ZNF407: variants seen among roughly 807,000 people sequenced by gnomAD.
ZNF407 encodes the protein zinc finger protein 407.
Under a neutral mutation model 131.2 loss-of-function variants are expected in ZNF407, and 17 were observed. The ratio of observed to expected loss-of-function variants is 0.13; its 90% confidence interval spans 0.09 to 0.19. The LOEUF (loss-of-function observed/expected upper bound fraction) is 0.19, where lower values mean the gene tolerates loss of function less well. Ranked by LOEUF, ZNF407 falls within the 10% of genes least tolerant of loss-of-function variation. The pLI is 1.00. For synonymous variants in ZNF407, 1,156 were observed against 1,062.0 expected (o/e 1.09, Z -1.72); for missense variants, 2,681 against 2,830.6 (o/e 0.95, Z 1.20).
At chr18:74,929,356 C>T (rs1971954868) in intron 8 of ZNF407, among the ~76,000 whole-genome samples, 1 of 151,674 alleles carries the variant, frequency 6.6e-6, no homozygotes, top group South Asian at 2.1e-4. Flanking sequence ...CATTTGCAGC[C>T]TTCGTGAACT....
At chr18:75,004,527 G>A (rs1456272139) in intron 8 of ZNF407, among the ~76,000 whole-genome samples, 1 of 152,070 alleles carries the variant, frequency 6.6e-6, no homozygotes, top group Non-Finnish European at 1.5e-5. Context: ...AGCGGCATTG[G>A]GTGCGCAGAG....
At chr18:74,977,065 ATTGTGATTTTGTTTAAATCT>A (rs1163227509) in intron 8 of ZNF407, among the ~76,000 whole-genome samples, 1 of 152,234 alleles carries the variant, frequency 6.6e-6, no homozygotes, top group African/African-American at 2.4e-5. Flanking sequence ...CATTTAGTCA[ATTGTGATTTTGTTTAAATCT>A]CCATGTTTAT....
intron 8 of ZNF407, among the ~76,000 whole-genome samples, chr18:74,994,693 G>A (rs555665251): frequency 6.6e-6 from 1 of 152,154 alleles, no homozygotes; most frequent in African/African-American, 2.4e-5. Flanking sequence ...CTTTGGACAC[G>A]TGTCCTATGA....
intron 4 of ZNF407, among the ~76,000 whole-genome samples, chr18:74,784,416 T>C (rs746927298): frequency 6.6e-6 from 1 of 152,230 alleles, no homozygotes; most frequent in Non-Finnish European, 1.5e-5. Flanking sequence ...AATAAATCCA[T>C]ATACTTGTAC....
chr18:74,659,764 G>A (rs938687004), intron 3 of ZNF407, among the ~76,000 whole-genome samples: 2 of 152,168 alleles, frequency 1.3e-5, no homozygotes, highest in Admixed American at 6.5e-5. Context: ...TGAATTTGTC[G>A]TGAAAGTGTG....
At chr18:74,661,242 C>T (rs1029865170) in intron 3 of ZNF407, among the ~76,000 whole-genome samples, 1 of 151,974 alleles carries the variant, frequency 6.6e-6, no homozygotes, top group South Asian at 2.1e-4. Context: ...TAGTCAGTCT[C>T]TTTGCACAGA....
intron 1 of ZNF407, among the ~76,000 whole-genome samples, chr18:74,602,740 T>C (rs1044842497): frequency 6.6e-6 from 1 of 152,216 alleles, no homozygotes; most frequent in African/African-American, 2.4e-5. Context: ...TTTTAGTCAC[T>C]AAGTTACATT....
intron 3 of ZNF407, among the ~76,000 whole-genome samples, chr18:74,768,465 G>A (rs919057193): frequency 2.6e-4 from 40 of 152,146 alleles, no homozygotes; most frequent in Non-Finnish European, 4.3e-4. Context: ...TTATTGATTG[G>A]TGTTTTATTC....
At position 74,673,904 on chromosome 18, in the gene ZNF407, A is replaced by G. The variant is rs115926764; in HGVS notation, c.4802+32782A>G. On this transcript the variant is annotated intron_variant, in intron 3 of 8. Transcript: ENST00000299687. Reference sequence around the variant, plus strand: ...CACATGGTTCTAAATATTTACATATATCATCAAAGCCCTCTGACCTACCAT... The same window carrying G: ...CACATGGTTCTAAATATTTACATATGTCATCAAAGCCCTCTGACCTACCAT... Among the ~76,000 whole-genome samples, 885 of 152,334 alleles carry G rather than the reference A, an allele frequency of 5.8e-3. 12 individuals carry two copies. The highest frequency in any genetic ancestry group is 0.02 in the African/African-American group (838 of 41,578).
intron 8 of ZNF407, among the ~76,000 whole-genome samples, chr18:75,059,431 A>G (rs1973598796): frequency 6.6e-6 from 1 of 151,970 alleles, no homozygotes; most frequent in Non-Finnish European, 1.5e-5. Flanking sequence ...TTAATGGGGG[A>G]GGGGAATGAC....
chr18:75,017,131 G>T (rs796771398), intron 8 of ZNF407, among the ~76,000 whole-genome samples: 8 of 152,130 alleles, frequency 5.3e-5, no homozygotes, highest in African/African-American at 1.9e-4. Flanking sequence ...GGATAGTTTT[G>T]TCTGAGATCT....
chr18:74,767,455 A>T (rs1430953920), intron 3 of ZNF407, among the ~76,000 whole-genome samples: 3 of 152,078 alleles, frequency 2.0e-5, no homozygotes, highest in Non-Finnish European at 2.9e-5. Flanking sequence ...ATTCTGTTTT[A>T]TAAACTTTTA....
At chr18:74,899,831 G>A (rs535779019) in intron 7 of ZNF407, among the ~76,000 whole-genome samples, 2 of 152,142 alleles carry the variant, frequency 1.3e-5, no homozygotes, top group African/African-American at 2.4e-5. Context: ...GGGAAGACCC[G>A]TTTTAGTACA....
chr18:74,940,740 C>G (rs1352897204), intron 8 of ZNF407, among the ~76,000 whole-genome samples: 1 of 152,194 alleles, frequency 6.6e-6, no homozygotes, highest in Non-Finnish European at 1.5e-5. Context: ...AAGGAAGCCT[C>G]TCTGCTCCTG....
chr18:74,905,058 T>C (rs7240002), intron 7 of ZNF407, among the ~76,000 whole-genome samples: 19,220 of 152,256 alleles, frequency 0.13, 1,334 homozygotes, highest in Middle Eastern at 0.23. Flanking sequence ...GCACAGCTTT[T>C]TGTTACTGCT....
chr18:74,776,460 A>T (rs1275398692), intron 3 of ZNF407, among the ~76,000 whole-genome samples: 2 of 152,252 alleles, frequency 1.3e-5, no homozygotes, highest in Non-Finnish European at 2.9e-5. Context: ...GTAAGATTAG[A>T]AAATACTATG....
intron 4 of ZNF407, chr18:74,803,831 A>C: frequency 1.1e-6 from 1 of 888,420 alleles, no homozygotes; most frequent in South Asian, 1.9e-5. Context: ...GGTTTTTATC[A>C]ATATTAATAC....
rs1599169546 is a variant in ZNF407 at position 74,809,746 on chromosome 18, TACA to T, written c.4877+28246_4877+28248del. 2.0e-5 allele frequency among the ~76,000 whole-genome samples: 3 copies of T among 152,326 alleles called. No homozygotes were observed. In the East Asian group the frequency reaches 5.8e-4, roughly 29 times the overall value. ...TGCTTATGTACCCTTTGCACATACA[TACA>T]AAGTCTCCATGTACCATTAGAGTGT... On this transcript the variant is annotated intron_variant, in intron 4 of 8. Transcript: ENST00000299687.
At chr18:74,859,806 C>T (rs1970912160) in intron 4 of ZNF407, among the ~76,000 whole-genome samples, 1 of 152,102 alleles carries the variant, frequency 6.6e-6, no homozygotes, top group Admixed American at 6.5e-5. Context: ...ATTTCCAGAA[C>T]ACAGGATAGG....
Sources: allele counts gnomAD v4.1 joint callset (sites outside exome capture counted in the v4.1 genomes callset), GRCh38; gene constraint gnomAD v4.1.1; transcripts MANE v1.5; gene names NCBI Gene and HGNC (gene_info 2026-07-23, HGNC 2026-07-21).